CPE: variants seen among roughly 807,000 people sequenced by gnomAD.
CPE encodes the protein carbocypeptidase E.
Under a neutral mutation model 53.5 loss-of-function variants are expected in CPE, and 17 were observed. The ratio of observed to expected loss-of-function variants is 0.32; its 90% confidence interval spans 0.22 to 0.48. The LOEUF (loss-of-function observed/expected upper bound fraction) is 0.48. CPE is among the 20% of genes least tolerant of loss of function. The pLI, the probability that CPE is intolerant of heterozygous loss-of-function variation, is 0.99. For missense variants in CPE, 524 were observed against 614.7 expected (o/e 0.85, Z 1.56); for synonymous variants, 226 against 228.8 (o/e 0.99, Z 0.11).
At chr4:165,422,354 A>ATCTTT (rs10646151) in intron 1 of CPE, among the ~76,000 whole-genome samples, 44,622 of 151,486 alleles carry the variant, frequency 0.29, 6,636 homozygotes, top group Middle Eastern at 0.39. Flanking sequence ...TATTTAAGGA[A>ATCTTT]TCTTCTCTTT....
At chr4:165,437,669 T>G (rs1249862597) in intron 1 of CPE, among the ~76,000 whole-genome samples, 1 of 152,174 alleles carries the variant, frequency 6.6e-6, no homozygotes, top group Non-Finnish European at 1.5e-5. Flanking sequence ...ATATTTGCTA[T>G]GATATCCTCA....
chr4:165,428,926 A>G (rs1731364828), intron 1 of CPE, among the ~76,000 whole-genome samples: 1 of 152,182 alleles, frequency 6.6e-6, no homozygotes, highest in Non-Finnish European at 1.5e-5. Flanking sequence ...TCTGCCATAT[A>G]AGGTAACATT....
rs957911406 is a variant in CPE at position 165,449,403 on chromosome 4, C to T, written c.308-14987C>T. Reference sequence around the variant, plus strand: ...GAATCCCGGTTTATTTTAGGAGGGGCCTAATTTTTTGTGTGACTCCTGTTA... The same window carrying T: ...GAATCCCGGTTTATTTTAGGAGGGGTCTAATTTTTTGTGTGACTCCTGTTA... On this transcript the variant is annotated intron_variant, in intron 1 of 8. Transcript: ENST00000402744. Among the ~76,000 whole-genome samples the T allele has an allele frequency of 3.9e-5, 6 of 152,212 alleles. No homozygotes were observed. In the South Asian group the frequency reaches 8.3e-4, roughly 21 times the overall value.
At chr4:165,408,995 T>C (rs1446352997) in intron 1 of CPE, among the ~76,000 whole-genome samples, 1 of 152,236 alleles carries the variant, frequency 6.6e-6, no homozygotes, top group Non-Finnish European at 1.5e-5. Flanking sequence ...ATCTCAAGCA[T>C]TTACCTCCAC....
Position 165,454,336 on chromosome 4 carries a change from C to T in CPE, c.308-10054C>T, listed in dbSNP as rs112890764. 7.5e-3 allele frequency among the ~76,000 whole-genome samples: 1,138 copies of T among 151,432 alleles called. 12 individuals carry two copies. Among genetic ancestry groups the T allele is most frequent in the African/African-American group, 0.026 (1,053 of 41,054 alleles). On this transcript the variant is annotated intron_variant, in intron 1 of 8. Coordinates refer to ENST00000402744, the MANE Select transcript of CPE (RefSeq NM_001873.4). ...TCCGAAACCAGTGCATGTTCGACACCGCAAGTCTTTCATGATGATGTTGAA... is the reference window on the plus strand; with the variant it reads ...TCCGAAACCAGTGCATGTTCGACACTGCAAGTCTTTCATGATGATGTTGAA...
intron 1 of CPE, among the ~76,000 whole-genome samples, chr4:165,380,743 T>A (rs187593520): frequency 1.2e-3 from 176 of 152,296 alleles, no homozygotes; most frequent in Non-Finnish European, 1.9e-3. Context: ...TGATCAAGAA[T>A]AAATCTTCAG....
At chr4:165,481,640 C>G (rs1031078850) in intron 3 of CPE, among the ~76,000 whole-genome samples, 7 of 152,214 alleles carry the variant, frequency 4.6e-5, no homozygotes, top group African/African-American at 1.7e-4. Context: ...AACATGAATT[C>G]TTGAAACTTG....
chr4:165,436,750 T>C (rs2126682680), intron 1 of CPE, among the ~76,000 whole-genome samples: 1 of 152,328 alleles, frequency 6.6e-6, no homozygotes, highest in Non-Finnish European at 1.5e-5. Context: ...GTGATCCTCC[T>C]GCCCCAGCCT....
chr4:165,495,652 C>T lies in CPE; in HGVS notation c.1307C>T (p.Ala436Val). The change falls in exon 8 of 9, where the codon GCA (alanine) becomes GTA (valine). Residue 436 changes from alanine (A) to valine (V), a missense_variant. Coordinates refer to ENST00000402744, the MANE Select transcript of CPE (RefSeq NM_001873.4). ...PGYLAITKKV[A>V]VPYSPAAGVD... ...TATCTGGCAATAACAAAGAAAGTGG[C>T]AGTTCCTTACAGCCCTGCTGCTGGG... 6.2e-7 allele frequency: 1 copy of T among 1,612,908 alleles called. No homozygotes were observed. The highest frequency in any genetic ancestry group is 1.7e-5 in the Admixed American group (1 of 59,902).
chr4:165,467,737 T>C lies in CPE; in HGVS notation c.554T>C (p.Ile185Thr), dbSNP rs1355078480. 3 of 1,613,534 alleles carry C rather than the reference T, an allele frequency of 1.9e-6. No homozygotes were observed. The highest frequency in any genetic ancestry group is 2.2e-5 in the South Asian group (2 of 91,014). The change falls in exon 3 of 9, where the codon ATA becomes ACA. Residue 185 changes from isoleucine to threonine, a missense_variant. Coordinates refer to ENST00000402744, the MANE Select transcript of CPE (RefSeq NM_001873.4). The stretch of plus-strand genomic sequence containing the variant: ...GTGGGTCGAAGCAATGCCCAGGGAA[T>C]AGATCTGAACCGGAACTTTCCAGAC... The part of the protein sequence containing the change: ...WFVGRSNAQG[I>T]DLNRNFPDLD...
chr4:165,445,824 G>C (rs1731704363), intron 1 of CPE, among the ~76,000 whole-genome samples: 1 of 152,032 alleles, frequency 6.6e-6, no homozygotes, highest in Admixed American at 6.6e-5. Context: ...TGTTAGAAAA[G>C]AGACTTATAT....
intron 1 of CPE, among the ~76,000 whole-genome samples, chr4:165,401,129 A>G (rs766818864): frequency 2.0e-5 from 3 of 151,972 alleles, no homozygotes; most frequent in Non-Finnish European, 4.4e-5. Context: ...TGTACTGGAT[A>G]ACTCTTCTGG....
intron 1 of CPE, chr4:165,415,270 G>C (rs1391430268): frequency 1.2e-5 from 2 of 167,022 alleles, no homozygotes; most frequent in Non-Finnish European, 2.9e-5. Flanking sequence ...TCTGTCATTT[G>C]TAGGATCTAC....
intron 1 of CPE, 85 bp from the exon 2 acceptor site, chr4:165,464,305 T>C (rs1732058865): frequency 9.2e-7 from 1 of 1,090,322 alleles, no homozygotes; most frequent in African/African-American, 1.6e-5. Context: ...ACCCATCAGA[T>C]ATTCATAATA....
intron 3 of CPE, among the ~76,000 whole-genome samples, chr4:165,472,392 C>G (rs543227805): frequency 6.6e-6 from 1 of 152,224 alleles, no homozygotes; most frequent in African/African-American, 2.4e-5. Context: ...AGTCTTAGGG[C>G]AGCCACAGTC....
At chr4:165,452,023 TTGTC>T (rs1168185981) in intron 1 of CPE, among the ~76,000 whole-genome samples, 6 of 152,012 alleles carry the variant, frequency 3.9e-5, no homozygotes, top group Admixed American at 6.6e-5. Context: ...AGTGCCCTGT[TTGTC>T]TGGGATCAGA....
chr4:165,457,616 T>C (rs1197093435), intron 1 of CPE, among the ~76,000 whole-genome samples: 1 of 152,226 alleles, frequency 6.6e-6, no homozygotes, highest in Non-Finnish European at 1.5e-5. Context: ...TTCTGTAATA[T>C]GTCTCTGCAG....
intron 1 of CPE, among the ~76,000 whole-genome samples, chr4:165,458,018 G>C (rs1026645958): frequency 5.3e-5 from 8 of 152,130 alleles, no homozygotes; most frequent in African/African-American, 1.9e-4. Flanking sequence ...GAAACTTGTA[G>C]GGTTCAGTTT....
chr4:165,408,963 G>A lies in CPE; in HGVS notation c.307+29435G>A, dbSNP rs1356417686. 2.6e-5 allele frequency among the ~76,000 whole-genome samples: 4 copies of A among 152,184 alleles called. No individual in the cohort carries two copies. The East Asian group carries it at 7.7e-4, about 29-fold the overall frequency. On this transcript the variant is annotated intron_variant, in intron 1 of 8. Transcript: ENST00000402744. ...AAAAAGTTTCTGCAGGACACATTAT[G>A]GAATGGATTGGTTTATGGATAATCT... is the stretch of plus-strand genomic sequence containing the variant.
Sources: allele counts gnomAD v4.1 joint callset (sites outside exome capture counted in the v4.1 genomes callset), GRCh38; gene constraint gnomAD v4.1.1; transcripts MANE v1.5; gene names NCBI Gene and HGNC (gene_info 2026-07-23, HGNC 2026-07-21).